Variants in UBE2D3 observed in about 807,000 individuals in gnomAD.
UBE2D3 encodes the protein ubiquitin conjugating enzyme E2 D3.
UBE2D3 carries 2 observed loss-of-function variants against 22.8 expected under a neutral mutation model. The observed-to-expected ratio is 0.09, with a 90% CI of 0.04 to 0.28. The LOEUF is 0.28. UBE2D3 is among the 10% of genes least tolerant of loss of function. The probability of loss-of-function intolerance (pLI) is 1.00; values close to 1 mark genes in which losing one functional copy is unlikely to be tolerated. For synonymous variants in UBE2D3, 56 were observed against 60.4 expected (o/e 0.93, Z 0.34); for missense variants, 27 against 182.5 (o/e 0.15, Z 4.91).
At chr4:102,850,266 A>G (rs1366199661) in intron 1 of UBE2D3, among the ~76,000 whole-genome samples, 2 of 152,214 alleles carry the variant, frequency 1.3e-5, no homozygotes, top group African/African-American at 4.8e-5. Context: ...AGTTACTGGG[A>G]GCTCTCATAA....
upstream of UBE2D3, among the ~76,000 whole-genome samples, chr4:102,831,292 A>T (rs1731102871): frequency 6.6e-6 from 1 of 152,236 alleles, no homozygotes; most frequent in South Asian, 2.1e-4. Flanking sequence ...TATACTTAAC[A>T]ATTCAGAATC....
At chr4:102,848,347 C>CA (rs922488702) in intron 1 of UBE2D3, among the ~76,000 whole-genome samples, 1 of 151,280 alleles carries the variant, frequency 6.6e-6, no homozygotes, top group Non-Finnish European at 1.5e-5. Flanking sequence ...TCTGTCTCTA[C>CA]AAAAAAAGAA....
chr4:102,843,129 G>C (rs1218122276), intron 1 of UBE2D3, among the ~76,000 whole-genome samples: 1 of 152,082 alleles, frequency 6.6e-6, no homozygotes, highest in African/African-American at 2.4e-5. Context: ...AGTTTTGAGT[G>C]GGGTAGGGCC....
chr4:102,838,622 A>G (rs1731554864), intron 1 of UBE2D3, among the ~76,000 whole-genome samples: 1 of 152,116 alleles, frequency 6.6e-6, no homozygotes, highest in Admixed American at 6.5e-5. Context: ...TAAAGCTTGT[A>G]ACACCTAGTT....
chr4:102,805,032 CTTTCA>C (rs1349976732), intron 4 of UBE2D3, among the ~76,000 whole-genome samples: 1 of 152,126 alleles, frequency 6.6e-6, no homozygotes, highest in Non-Finnish European at 1.5e-5. Flanking sequence ...TCTTTGTAAG[CTTTCA>C]TTTCAATTTT....
intron 2 of UBE2D3, among the ~76,000 whole-genome samples, chr4:102,813,242 G>A (rs970700469): frequency 6.6e-6 from 1 of 152,144 alleles, no homozygotes; most frequent in Admixed American, 6.5e-5. Context: ...ATTCACAGGC[G>A]GAATCACAAT....
At chr4:102,819,955 CATT>C (rs1378147625) in intron 2 of UBE2D3, among the ~76,000 whole-genome samples, 2 of 152,182 alleles carry the variant, frequency 1.3e-5, no homozygotes, top group Admixed American at 6.5e-5. Flanking sequence ...TGTGAATCAG[CATT>C]ATAAAAACAG....
intron 1 of UBE2D3, among the ~76,000 whole-genome samples, chr4:102,836,629 T>C (rs1184114539): frequency 1.3e-5 from 2 of 152,212 alleles, no homozygotes; most frequent in African/African-American, 2.4e-5. Context: ...TTTTTACCAC[T>C]TTATGGTCCC....
chr4:102,841,326 A>G (rs1731744358), intron 1 of UBE2D3, among the ~76,000 whole-genome samples: 1 of 152,162 alleles, frequency 6.6e-6, no homozygotes, highest in Non-Finnish European at 1.5e-5. Context: ...TATTAATGGT[A>G]ACTTAGTTGT....
intron 2 of UBE2D3, among the ~76,000 whole-genome samples, chr4:102,825,077 C>A (rs1480995281): frequency 2.6e-5 from 4 of 152,182 alleles, no homozygotes; most frequent in Non-Finnish European, 1.5e-5. Context: ...TTTAAACCTT[C>A]CTCTTTCATG....
At chr4:102,824,198 T>G (rs1252689282) in intron 2 of UBE2D3, among the ~76,000 whole-genome samples, 3 of 152,272 alleles carry the variant, frequency 2.0e-5, no homozygotes, top group African/African-American at 7.2e-5. Context: ...CAAGTTTTTA[T>G]GTTGTGTCTA....
At chr4:102,845,219 AAAAAC>A (rs369696213) in intron 1 of UBE2D3, among the ~76,000 whole-genome samples, 87 of 152,204 alleles carry the variant, frequency 5.7e-4, no homozygotes, top group African/African-American at 1.6e-3. Context: ...ACCTTGTCTC[AAAAAC>A]AAAACAAAAC....
intron 1 of UBE2D3, among the ~76,000 whole-genome samples, chr4:102,833,077 C>T (rs770259227): frequency 1.3e-4 from 20 of 149,874 alleles, no homozygotes; most frequent in Admixed American, 3.3e-4. Context: ...TATGAACTTC[C>T]TATGTTTTTA....
chr4:102,809,022 T>TAAA lies in UBE2D3; in HGVS notation c.120+647_120+649dup, dbSNP rs3974641. On this transcript the variant is annotated intron_variant, in intron 4 of 7. Transcript: ENST00000453744. ...CAAATCCTTAAGCGCCTTAGCAAGT[T>TAAA]AAAAAAAAAAAAAAAGTTAAATATT... 980 of 152,432 alleles carry TAAA rather than the reference T, an allele frequency of 6.4e-3. 12 individuals carry two copies. The highest frequency in any genetic ancestry group is 0.022 in the African/African-American group (883 of 39,740). 9.4% of individuals were successfully genotyped at this position (152,432 alleles called of 1,614,324 possible).
At chr4:102,834,372 ACT>A (rs1731274957) in intron 1 of UBE2D3, among the ~76,000 whole-genome samples, 1 of 151,766 alleles carries the variant, frequency 6.6e-6, no homozygotes, top group South Asian at 2.1e-4. Flanking sequence ...GGATTAAAAA[ACT>A]CTCATTTGAT....
At chr4:102,819,292 T>C (rs1729214644) in intron 2 of UBE2D3, among the ~76,000 whole-genome samples, 1 of 148,370 alleles carries the variant, frequency 6.7e-6, no homozygotes, top group South Asian at 2.1e-4. Flanking sequence ...GTTGCGCCAC[T>C]GCACTCTAGC....
chr4:102,828,600 A>G (rs1408348472), upstream of UBE2D3, among the ~76,000 whole-genome samples: 3 of 152,316 alleles, frequency 2.0e-5, no homozygotes, highest in South Asian at 2.1e-4. Flanking sequence ...GCCAAGGTGT[A>G]GATGTGGGAA....
chr4:102,837,126 C>G (rs1731454114), intron 1 of UBE2D3: 1 of 152,152 alleles, frequency 6.6e-6, no homozygotes, highest in South Asian at 2.1e-4. Context: ...TATTAGCTAG[C>G]AGAACCACCT....
At chr4:102,833,929 C>T (rs545877009) in intron 1 of UBE2D3, among the ~76,000 whole-genome samples, 4 of 152,270 alleles carry the variant, frequency 2.6e-5, no homozygotes, top group African/African-American at 4.8e-5. Context: ...CCAGAATTCC[C>T]GTGGCTCAGG....
Sources: gnomAD v4.1 joint callset for allele counts (sites outside exome capture counted in the v4.1 genomes callset) on GRCh38, gnomAD v4.1.1 for gene constraint, MANE v1.5 for transcripts, NCBI Gene and HGNC (gene_info 2026-07-23, HGNC 2026-07-21) for gene names.